Variants in UBE2E2 observed in about 807,000 individuals in gnomAD.
UBE2E2 encodes the protein ubiquitin conjugating enzyme E2 E2, also known as ubiquitin-conjugating enzyme E2 E2.
Under a neutral mutation model 24.7 loss-of-function variants are expected in UBE2E2, and 6 were observed. The ratio of observed to expected loss-of-function variants is 0.24; its 90% CI spans 0.13 to 0.48. UBE2E2 has a LOEUF of 0.48. Among genes scored for constraint, UBE2E2 ranks in the 20% least tolerant of loss-of-function variants. The pLI is 0.99. For missense variants in UBE2E2, 169 were observed against 245.0 expected (o/e 0.69, Z 2.07); for synonymous variants, 104 against 83.6 (o/e 1.24, Z -1.33).
At chr3:23,438,948 C>T (rs1698238828) in intron 3 of UBE2E2, among the ~76,000 whole-genome samples, 1 of 152,150 alleles carries the variant, frequency 6.6e-6, no homozygotes. Context: ...TATTTGAATA[C>T]TACTCAACAC....
At chr3:23,441,594 C>T (rs2125408504) in intron 3 of UBE2E2, among the ~76,000 whole-genome samples, 1 of 150,782 alleles carries the variant, frequency 6.6e-6, no homozygotes, top group Middle Eastern at 3.5e-3. Flanking sequence ...GGAGATGCCA[C>T]CATCTCTGAA....
chr3:23,476,187 A>G (rs765249202), intron 3 of UBE2E2, among the ~76,000 whole-genome samples: 5 of 152,038 alleles, frequency 3.3e-5, no homozygotes, highest in African/African-American at 9.7e-5. Flanking sequence ...CTTTCTATCT[A>G]CCAAACAGTA....
intron 3 of UBE2E2, among the ~76,000 whole-genome samples, chr3:23,447,020 C>T (rs146502616): frequency 1.0e-3 from 152 of 152,312 alleles, no homozygotes; most frequent in African/African-American, 3.5e-3. Context: ...CTCTGCCTGA[C>T]ACATTTCATT....
chr3:23,243,422 C>T (rs913255431), intron 3 of UBE2E2, among the ~76,000 whole-genome samples: 2 of 152,172 alleles, frequency 1.3e-5, no homozygotes, highest in African/African-American at 4.8e-5. Flanking sequence ...TCCCCTCAGA[C>T]CTCTCAGATC....
intron 3 of UBE2E2, among the ~76,000 whole-genome samples, chr3:23,293,805 C>A (rs1279085825): frequency 6.6e-6 from 1 of 152,112 alleles, no homozygotes; most frequent in African/African-American, 2.4e-5. Context: ...TATTCTCTGG[C>A]ATAAACTTTG....
chr3:23,305,072 A>T (rs1559341239), intron 3 of UBE2E2, among the ~76,000 whole-genome samples: 1 of 152,146 alleles, frequency 6.6e-6, no homozygotes, highest in Admixed American at 6.6e-5. Context: ...TCAAGTCTTT[A>T]TTGGTGGCAG....
chr3:23,583,320 T>G lies in UBE2E2; in HGVS notation c.509-6414T>G, dbSNP rs201841753. ...TTTTTGTACCAGTATCATGCTGTTT[T>G]GGTTACTATAGCCTTGTAGTATGCT... is the stretch of plus-strand genomic sequence containing the variant. On this transcript the variant is annotated intron_variant, in intron 5 of 5. Transcript: ENST00000396703. The surrounding 1 kb of genome is among the most constrained non-coding windows in gnomAD (Gnocchi z 4.1). Among the ~76,000 whole-genome samples, 18 of 152,370 alleles carry G rather than the reference T, an allele frequency of 1.2e-4. No individual in the cohort carries two copies. The East Asian group carries it at 3.5e-3, about 29-fold the overall frequency.
At chr3:23,535,615 A>G (rs1424050537) in intron 5 of UBE2E2, among the ~76,000 whole-genome samples, 6 of 111,672 alleles carry the variant, frequency 5.4e-5, no homozygotes, top group Admixed American at 5.3e-4. Context: ...CTGATAGAGC[A>G]TTCTTTTTTT....
intron 3 of UBE2E2, among the ~76,000 whole-genome samples, chr3:23,452,807 A>C (rs1698594976): frequency 6.6e-6 from 1 of 152,060 alleles, no homozygotes. Flanking sequence ...ACCATAATTT[A>C]CTACAAAATG....
intron 3 of UBE2E2, among the ~76,000 whole-genome samples, chr3:23,311,464 T>C (rs1186434212): frequency 6.6e-6 from 1 of 152,210 alleles, no homozygotes; most frequent in Non-Finnish European, 1.5e-5. Context: ...TCCACAATGG[T>C]TGAATTAGGA....
chr3:23,438,535 A>G (rs539970876), intron 3 of UBE2E2, among the ~76,000 whole-genome samples: 1 of 152,340 alleles, frequency 6.6e-6, no homozygotes, highest in South Asian at 2.1e-4. Flanking sequence ...CATTTTCAGT[A>G]GTTGTACGGT....
At chr3:23,350,424 A>T in intron 3 of UBE2E2, among the ~76,000 whole-genome samples, 1 of 152,108 alleles carries the variant, frequency 6.6e-6, no homozygotes, top group African/African-American at 2.4e-5. Flanking sequence ...GGCTTCAGAC[A>T]ATCAAACTAC....
At chr3:23,547,446 A>G (rs752598031) in intron 5 of UBE2E2, among the ~76,000 whole-genome samples, 10 of 152,032 alleles carry the variant, frequency 6.6e-5, no homozygotes, top group Non-Finnish European at 1.0e-4. Context: ...CTTAAGTGCT[A>G]TTTCTTTATT....
intron 3 of UBE2E2, among the ~76,000 whole-genome samples, chr3:23,354,470 C>T (rs867076624): frequency 2.2e-4 from 34 of 152,072 alleles, no homozygotes; most frequent in Admixed American, 3.3e-4. Context: ...TGAAAATTTT[C>T]GCAACCTACT....
At chr3:23,496,413 C>T (rs1191639686) in intron 3 of UBE2E2, among the ~76,000 whole-genome samples, 1 of 152,146 alleles carries the variant, frequency 6.6e-6, no homozygotes, top group African/African-American at 2.4e-5. Context: ...ACCTCTGCTC[C>T]TACCCAGGAA....
intron 3 of UBE2E2, among the ~76,000 whole-genome samples, chr3:23,404,737 A>G (rs1248507397): frequency 6.6e-6 from 1 of 152,248 alleles, no homozygotes; most frequent in African/African-American, 2.4e-5. Context: ...TATTTAAAAT[A>G]ATCGCTAACT....
intron 3 of UBE2E2, among the ~76,000 whole-genome samples, chr3:23,267,241 C>G (rs1490322263): frequency 1.3e-5 from 2 of 151,046 alleles, no homozygotes; most frequent in Non-Finnish European, 3.0e-5. Context: ...ACAAAAAACC[C>G]TTCAAAAAAT....
At chr3:23,335,321 G>A (rs561452720) in intron 3 of UBE2E2, among the ~76,000 whole-genome samples, 53 of 152,204 alleles carry the variant, frequency 3.5e-4, no homozygotes, top group African/African-American at 9.4e-4. Context: ...TTTCATTGGC[G>A]TAGTTCATTT....
chr3:23,379,495 T>G (rs1696610672), intron 3 of UBE2E2, among the ~76,000 whole-genome samples: 1 of 146,790 alleles, frequency 6.8e-6, no homozygotes, highest in African/African-American at 2.5e-5. Flanking sequence ...ATATGCGGTG[T>G]TTGGTTTTTT....
Sources: gnomAD v4.1 joint callset for allele counts (sites outside exome capture counted in the v4.1 genomes callset) on GRCh38, gnomAD v4.1.1 for gene constraint, Gnocchi (gnomAD v3.1) non-coding constraint, MANE v1.5 for transcripts, NCBI Gene and HGNC (gene_info 2026-07-23, HGNC 2026-07-21) for gene names.